SPON1: variants seen among roughly 807,000 people sequenced by gnomAD.
The protein encoded by SPON1 is spondin 1, also known as spondin-1.
SPON1 carries 52 observed loss-of-function variants against 111.7 expected under a neutral mutation model. The observed-to-expected ratio is 0.47, with a 90% CI of 0.37 to 0.59. The LOEUF (loss-of-function observed/expected upper bound fraction) is 0.59. Among genes scored for constraint, SPON1 ranks in the 20% least tolerant of loss-of-function variants. SPON1 has a pLI of 0.00. For synonymous variants in SPON1, 410 were observed against 395.8 expected (o/e 1.04, Z -0.43); for missense variants, 957 against 1,068.5 (o/e 0.90, Z 1.46).
intron 3 of SPON1, among the ~76,000 whole-genome samples, chr11:14,045,285 C>T (rs2133815602): frequency 6.6e-6 from 1 of 152,236 alleles, no homozygotes; most frequent in East Asian, 1.9e-4. Context: ...AATTGATTTA[C>T]ACGGCCGGGC....
chr11:14,231,052 GTCT>G (rs1404199359), intron 6 of SPON1, among the ~76,000 whole-genome samples: 1 of 151,952 alleles, frequency 6.6e-6, no homozygotes, highest in Admixed American at 6.6e-5. Context: ...GATTCAAGCA[GTCT>G]TCTTGCCTTA....
intron 5 of SPON1, among the ~76,000 whole-genome samples, chr11:14,122,800 A>G (rs1847407537): frequency 6.6e-6 from 1 of 152,192 alleles, no homozygotes; most frequent in African/African-American, 2.4e-5. Context: ...ATCCTTGAAC[A>G]TATTGATAAT....
chr11:14,059,912 T>C (rs1253053188), intron 3 of SPON1, among the ~76,000 whole-genome samples: 3 of 152,196 alleles, frequency 2.0e-5, no homozygotes, highest in Non-Finnish European at 4.4e-5. Flanking sequence ...TTCTAAGCAT[T>C]CTGTTAGGCA....
Position 13,982,855 on chromosome 11 carries a change from T to G in SPON1, c.247T>G (p.Ser83Ala), listed in dbSNP as rs1848154764. 6.4e-7 allele frequency: 1 copy of G among 1,556,592 alleles called. No individual in the cohort carries two copies. The change falls in exon 2 of 16, where the codon TCA becomes GCA. Residue 83 changes from serine (S) to alanine (A), a missense_variant. By Grantham distance (99) the Ser-to-Ala change is moderately conservative. Coordinates refer to ENST00000576479, the MANE Select transcript of SPON1 (RefSeq NM_006108.4). ...TTTTTCTCTCTCTGCAGTAACACTT[T>G]CAGCTGCTCCTCCCTCCTACTTCAG... ...KPGTSYRVTLSAAPPSYFRGF... is the reference protein window; with the variant it reads ...KPGTSYRVTLAAAPPSYFRGF...
In SPON1 at chr11:14,255,650, C is replaced by A; in HGVS notation, c.1096C>A (p.Pro366Thr). Residue 366 changes from proline (P) to threonine (T), a missense_variant, in exon 9 of 16, where the codon CCC becomes ACC. By Grantham distance (38) the Pro-to-Thr change is conservative. This residue lies in a region of SPON1 where 549 missense variants were observed against 606.2 expected (regional missense o/e 0.91). Coordinates refer to ENST00000576479, the MANE Select transcript of SPON1 (RefSeq NM_006108.4). ...GTDSGVTYES[P>T]NKPTIPQEKI... Reference sequence around the variant, plus strand: ...ACCTCTGTATGTTTTCTTGCAGTCACCCAACAAACCCACCATTCCCCAGGA... The same window carrying A: ...ACCTCTGTATGTTTTCTTGCAGTCAACCAACAAACCCACCATTCCCCAGGA... The A allele has an allele frequency of 1.2e-6, 2 of 1,613,618 alleles. No homozygotes were observed. Among genetic ancestry groups the A allele is most frequent in the Non-Finnish European group, 1.7e-6 (2 of 1,179,742 alleles).
rs112867243 is a variant in SPON1, at chr11:14,138,532, A to G, written c.825+2964A>G. Among the ~76,000 whole-genome samples, 1,227 of 152,156 alleles carry G rather than the reference A, an allele frequency of 8.1e-3. 23 individuals are homozygous for G. The highest frequency in any genetic ancestry group is 0.028 in the African/African-American group (1,170 of 41,502). ...ACCCTTTCGTGGAAGGACAAAGGCA[A>G]ATGTGTCCTGGTGGCCAGGACACCT... is the stretch of plus-strand genomic sequence containing the variant. On this transcript the variant is annotated intron_variant, in intron 6 of 15. Transcript: ENST00000576479.
chr11:14,047,963 G>A (rs956857886), intron 3 of SPON1, among the ~76,000 whole-genome samples: 1 of 152,244 alleles, frequency 6.6e-6, no homozygotes, highest in Non-Finnish European at 1.5e-5. Flanking sequence ...GGGTGGGCCA[G>A]GTGTGGTGGC....
intron 2 of SPON1, among the ~76,000 whole-genome samples, chr11:14,007,423 G>A (rs1182773387): frequency 1.2e-4 from 18 of 152,140 alleles, no homozygotes; most frequent in African/African-American, 4.1e-4. Context: ...AATCCAGCAT[G>A]GGAGAAAGAT....
chr11:14,048,500 TA>T (rs1242964432), intron 3 of SPON1, among the ~76,000 whole-genome samples: 1 of 152,180 alleles, frequency 6.6e-6, no homozygotes, highest in Non-Finnish European at 1.5e-5. Flanking sequence ...GGAAAATACA[TA>T]GCAATTATGA....
intron 3 of SPON1, among the ~76,000 whole-genome samples, chr11:14,049,178 A>T (rs143487844): frequency 6.6e-6 from 1 of 152,184 alleles, no homozygotes; most frequent in Non-Finnish European, 1.5e-5. Flanking sequence ...TGATCTTCAT[A>T]CTGTACTCTG....
chr11:14,029,314 G>A (rs1417356473), intron 2 of SPON1, among the ~76,000 whole-genome samples: 2 of 152,102 alleles, frequency 1.3e-5, no homozygotes, highest in Non-Finnish European at 2.9e-5. Flanking sequence ...GTCTTTACCA[G>A]AATTGTTGAG....
At chr11:14,062,219 C>A (rs782159899) in intron 3 of SPON1, among the ~76,000 whole-genome samples, 2 of 152,100 alleles carry the variant, frequency 1.3e-5, no homozygotes, top group African/African-American at 4.8e-5. Context: ...TATTCAGAAC[C>A]CTTGCTGGGC....
In SPON1 at chr11:14,034,036, G is replaced by A. The variant is rs78426959; in HGVS notation, c.346-7485G>A. On this transcript the variant is annotated intron_variant, in intron 2 of 15. Transcript: ENST00000576479. ...AGGTCCTTTAAAAATATTAAGCTGG[G>A]TGTGGTGGCATATACCTATCATCCA... Among the ~76,000 whole-genome samples, 1,112 of 152,234 alleles carry A rather than the reference G, an allele frequency of 7.3e-3. 9 individuals carry two copies. The highest frequency in any genetic ancestry group is 0.012 in the Non-Finnish European group (803 of 68,012).
Position 14,090,836 on chromosome 11 carries a change from C to A in SPON1, c.676+10815C>A, listed in dbSNP as rs1365522482. On this transcript the variant is annotated intron_variant, in intron 5 of 15. Coordinates refer to ENST00000576479, the MANE Select transcript of SPON1 (RefSeq NM_006108.4). The stretch of plus-strand genomic sequence containing the variant: ...ATTCTCTTATCTGGCCCCCCCCCCC[C>A]CCCCCCCCGCCCACATCCTGCTGAT... Among the ~76,000 whole-genome samples, 12 of 31,264 alleles carry A rather than the reference C, an allele frequency of 3.8e-4. No homozygotes were observed. The South Asian group carries it at 6.9e-3, about 18-fold the overall frequency. The allele number at this position is 31,264 out of a possible 152,430, so 20.5% of individuals were successfully genotyped here. A position where few individuals can be genotyped will look rare whatever the true frequency, so the allele number is the denominator to read the frequency against.
At chr11:14,144,825 C>T (rs1847700103) in intron 6 of SPON1, among the ~76,000 whole-genome samples, 1 of 152,040 alleles carries the variant, frequency 6.6e-6, no homozygotes, top group African/African-American at 2.4e-5. Flanking sequence ...TCAGCAAAGA[C>T]CTCTAATACT....
At chr11:14,142,469 T>C (rs1847667518) in intron 6 of SPON1, among the ~76,000 whole-genome samples, 1 of 152,070 alleles carries the variant, frequency 6.6e-6, no homozygotes, top group South Asian at 2.1e-4. Flanking sequence ...TAACATTTTT[T>C]CCCAAAGTTG....
chr11:14,171,384 TTTTC>T (rs1848098085), intron 6 of SPON1, among the ~76,000 whole-genome samples: 1 of 152,212 alleles, frequency 6.6e-6, no homozygotes, highest in Non-Finnish European at 1.5e-5. Flanking sequence ...TTGTTCTCTC[TTTTC>T]TTTATTAGTC....
At chr11:13,986,610 G>A (rs963899702) in intron 2 of SPON1, among the ~76,000 whole-genome samples, 3 of 148,298 alleles carry the variant, frequency 2.0e-5, no homozygotes, top group Non-Finnish European at 3.0e-5. Flanking sequence ...TCTGGGGTAC[G>A]TGTGCAGTTT....
intron 6 of SPON1, among the ~76,000 whole-genome samples, chr11:14,198,767 A>T (rs531513398): frequency 1.3e-5 from 2 of 152,352 alleles, no homozygotes; most frequent in East Asian, 3.9e-4. Flanking sequence ...TGACAACTAC[A>T]TGATGTAACT....
Sources: allele counts gnomAD v4.1 joint callset (sites outside exome capture counted in the v4.1 genomes callset), GRCh38; gene constraint gnomAD v4.1.1; regional missense constraint gnomAD v4.1.1; transcripts MANE v1.5; gene names NCBI Gene and HGNC (gene_info 2026-07-23, HGNC 2026-07-21).